GPHN: variants seen among roughly 807,000 people sequenced by gnomAD.
GPHN encodes the protein gephyrin.
A neutral mutation model predicts 95.5 loss-of-function variants in GPHN; 17 were observed. The ratio of observed to expected loss-of-function variants is 0.18; its 90% CI spans 0.12 to 0.27. The LOEUF (loss-of-function observed/expected upper bound fraction) is 0.27. Among genes scored for constraint, GPHN ranks in the 10% least tolerant of loss-of-function variants. The pLI is 1.00. For synonymous variants in GPHN, 320 were observed against 322.5 expected (o/e 0.99, Z 0.08); for missense variants, 660 against 978.1 (o/e 0.67, Z 4.34).
the GPHN span, among the ~76,000 whole-genome samples, chr14:67,480,647 C>A: frequency 6.6e-6 from 1 of 152,158 alleles, no homozygotes; most frequent in African/African-American, 2.4e-5. Flanking sequence ...CCAACTCAGG[C>A]CCCATGACCT....
At chr14:67,329,234 T>A in the GPHN span, among the ~76,000 whole-genome samples, 1 of 152,132 alleles carries the variant, frequency 6.6e-6, no homozygotes, top group Admixed American at 6.6e-5. Context: ...ATTCTCTTTG[T>A]AGCAATTGTG....
chr14:66,508,704 A>G, intron 1 of GPHN, 113 bp downstream of exon 1: 1 of 957,222 alleles, frequency 1.0e-6, no homozygotes, highest in East Asian at 2.4e-5. Flanking sequence ...AGGCTGAAGA[A>G]GGGAACCGCG....
chr14:67,415,702 C>T, the GPHN span, among the ~76,000 whole-genome samples: 1 of 152,152 alleles, frequency 6.6e-6, no homozygotes, highest in Admixed American at 6.5e-5. Context: ...GCACTATTCA[C>T]AATAGCAAAG....
the GPHN span, chr14:67,691,291 T>C: frequency 1.1e-5 from 15 of 1,363,234 alleles, no homozygotes; most frequent in Middle Eastern, 1.8e-4. Context: ...GCCAAGGCTA[T>C]TACATCTTAG....
intron 1 of GPHN, among the ~76,000 whole-genome samples, chr14:66,567,960 A>G (rs886547626): frequency 1.3e-5 from 2 of 152,318 alleles, no homozygotes; most frequent in East Asian, 1.9e-4. Flanking sequence ...TATGCCAGTC[A>G]GTAAATGAAG....
chr14:67,021,254 G>A (rs1417633826), intron 9 of GPHN, among the ~76,000 whole-genome samples: 1 of 151,990 alleles, frequency 6.6e-6, no homozygotes, highest in Non-Finnish European at 1.5e-5. Context: ...ATCACTAAAG[G>A]AATTCTTATA....
At chr14:66,924,877 G>A (rs1192785960) in intron 8 of GPHN, among the ~76,000 whole-genome samples, 1 of 151,828 alleles carries the variant, frequency 6.6e-6, no homozygotes, top group Non-Finnish European at 1.5e-5. Context: ...GCAAAAAAAT[G>A]CCAGGTTGTA....
At chr14:66,739,174 A>G (rs1200689546) in intron 2 of GPHN, among the ~76,000 whole-genome samples, 3 of 151,908 alleles carry the variant, frequency 2.0e-5, no homozygotes, top group East Asian at 1.9e-4. Context: ...ATTCAAATTC[A>G]TATTGTCTGC....
At chr14:66,565,757 G>A (rs891659039) in intron 1 of GPHN, among the ~76,000 whole-genome samples, 1 of 152,020 alleles carries the variant, frequency 6.6e-6, no homozygotes, top group Admixed American at 6.6e-5. Flanking sequence ...CAGTAGCAAA[G>A]GATATTATGT....
chr14:67,414,569 C>A, the GPHN span, among the ~76,000 whole-genome samples: 3 of 152,220 alleles, frequency 2.0e-5, no homozygotes, highest in Non-Finnish European at 4.4e-5. Context: ...CCTCTCAGCT[C>A]CTCCCCTTTT....
the GPHN span, chr14:67,578,459 C>G: frequency 1.8e-6 from 2 of 1,085,122 alleles, no homozygotes; most frequent in East Asian, 2.6e-5. The surrounding 1 kb of genome is among the most constrained non-coding windows in gnomAD (Gnocchi z 5.0). Flanking sequence ...GCTGAAGGCT[C>G]TGTAGCTCAG....
intron 18 of GPHN, among the ~76,000 whole-genome samples, chr14:67,146,034 T>A (rs2080877599): frequency 1.3e-5 from 2 of 152,030 alleles, no homozygotes; most frequent in South Asian, 4.2e-4. Context: ...ACATCTAGAG[T>A]ATTCTTATAG....
chr14:66,622,203 T>A (rs1272374563), intron 1 of GPHN, among the ~76,000 whole-genome samples: 3 of 152,288 alleles, frequency 2.0e-5, no homozygotes, highest in African/African-American at 7.2e-5. Context: ...TGCCAAGGCC[T>A]GGGGCTTGAA....
At chr14:66,966,655 C>A (rs1310876720) in intron 9 of GPHN, among the ~76,000 whole-genome samples, 5 of 151,960 alleles carry the variant, frequency 3.3e-5, no homozygotes, top group Non-Finnish European at 7.4e-5. Context: ...CAGCTAAACT[C>A]ACTTGTAAAG....
chr14:67,213,579 C>G, the GPHN span, among the ~76,000 whole-genome samples: 5 of 152,052 alleles, frequency 3.3e-5, no homozygotes, highest in African/African-American at 7.2e-5. Flanking sequence ...GGACATTTGG[C>G]TTGGTTCCAA....
chr14:66,861,887 A>G (rs957753242), intron 4 of GPHN, among the ~76,000 whole-genome samples: 12 of 152,066 alleles, frequency 7.9e-5, no homozygotes, highest in Non-Finnish European at 1.6e-4. Context: ...CATCAAAAAA[A>G]GGAAAAAATT....
chr14:67,050,781 G>A (rs1303288422), intron 10 of GPHN, among the ~76,000 whole-genome samples: 1 of 152,152 alleles, frequency 6.6e-6, no homozygotes, highest in African/African-American at 2.4e-5. Context: ...AGGTATCCAG[G>A]TTCTCTCACT....
At chr14:66,757,609 C>T (rs1262211696) in intron 2 of GPHN, among the ~76,000 whole-genome samples, 1 of 152,094 alleles carries the variant, frequency 6.6e-6, no homozygotes, top group Non-Finnish European at 1.5e-5. Flanking sequence ...AGGCTGGTCT[C>T]AAACTCCTGG....
At chr14:67,287,087 A>G in the GPHN span, among the ~76,000 whole-genome samples, 2 of 151,854 alleles carry the variant, frequency 1.3e-5, no homozygotes, top group African/African-American at 2.4e-5. Flanking sequence ...GTGTGGTGTT[A>G]TGCACCTGTA....
Sources: allele counts gnomAD v4.1 joint callset (sites outside exome capture counted in the v4.1 genomes callset), GRCh38; gene constraint gnomAD v4.1.1; non-coding constraint Gnocchi (gnomAD v3.1); transcripts MANE v1.5; gene names NCBI Gene and HGNC (gene_info 2026-07-23, HGNC 2026-07-21).